Variants in IL27 observed in about 807,000 individuals in gnomAD.
The protein encoded by IL27 is interleukin 27, also known as interleukin-27 subunit alpha.
IL27 carries 11 observed loss-of-function variants against 27.0 expected under a neutral mutation model. That is an observed-to-expected ratio of 0.41 (90% CI 0.26 to 0.67). The LOEUF (loss-of-function observed/expected upper bound fraction) is 0.67. Ranked by LOEUF, IL27 falls within the 30% of genes least tolerant of loss-of-function variation. The probability of loss-of-function intolerance (pLI) is 0.34; values close to 1 mark genes in which losing one functional copy is unlikely to be tolerated. For synonymous variants in IL27, 134 were observed against 140.6 expected (o/e 0.95, Z 0.33); for missense variants, 299 against 310.4 (o/e 0.96, Z 0.28).
intron 1 of IL27, among the ~76,000 whole-genome samples, chr16:28,505,835 CCT>C (rs1053643019): frequency 1.1e-4 from 16 of 152,172 alleles, no homozygotes; most frequent in Non-Finnish European, 2.1e-4. Flanking sequence ...TCTTCCCTGT[CCT>C]CTCTCAATCT....
At chr16:28,501,855 G>A in intron 4 of IL27, 121 bp downstream of exon 4, 2 of 1,197,352 alleles carry the variant, frequency 1.7e-6, no homozygotes, top group Non-Finnish European at 2.4e-6. Flanking sequence ...ACACACTCAT[G>A]GACACTCAGT....
chr16:28,501,637 ACACT>A (rs1765544012), intron 4 of IL27, among the ~76,000 whole-genome samples: 1 of 146,912 alleles, frequency 6.8e-6, no homozygotes, highest in African/African-American at 2.5e-5. Context: ...ACTCACTCTC[ACACT>A]CACGGACCCA....
Position 28,502,793 on chromosome 16 carries a change from C to A in IL27, c.304-659G>T, listed in dbSNP as rs2046440067. ...GCCTAGCTCCACTCTTACCTCTTCCCAACCCCACTTCCTTATTCCAGCTTC... is the reference window on the plus strand; with the variant it reads ...GCCTAGCTCCACTCTTACCTCTTCCAAACCCCACTTCCTTATTCCAGCTTC... On this transcript the variant is annotated intron_variant, in intron 3 of 4. Transcript: ENST00000356897. Among the ~76,000 whole-genome samples the A allele has an allele frequency of 1.3e-5, 2 of 152,112 alleles. 1 individual carries two copies. Among genetic ancestry groups the A allele is most frequent in the South Asian group, 4.1e-4 (2 of 4,826 alleles).
At chr16:28,506,693 A>G in intron 1 of IL27, 88 bp downstream of exon 1, 1 of 1,324,716 alleles carries the variant, frequency 7.5e-7, no homozygotes. Flanking sequence ...TGCTGCTCTC[A>G]GCTCTCGACC....
At chr16:28,503,321 C>T (rs2046443928) in intron 3 of IL27, among the ~76,000 whole-genome samples, 1 of 152,154 alleles carries the variant, frequency 6.6e-6, no homozygotes, top group African/African-American at 2.4e-5. Flanking sequence ...AGGATCATAA[C>T]TCACTGCAGC....
intron 4 of IL27, 55 bp downstream of exon 4, chr16:28,501,921 C>T: frequency 1.3e-6 from 2 of 1,562,544 alleles, no homozygotes; most frequent in Non-Finnish European, 8.7e-7. Context: ...CTGAATGAGC[C>T]AGCGAGTCTT....
intron 1 of IL27, 125 bp from the exon 2 acceptor site, chr16:28,504,175 C>T: frequency 9.7e-7 from 1 of 1,028,948 alleles, no homozygotes; most frequent in Non-Finnish European, 1.4e-6. Context: ...CATTCCTCTG[C>T]CTCCTCAAAA....
At chr16:28,500,495 G>A (rs1248932069) in intron 4 of IL27, among the ~76,000 whole-genome samples, 5 of 151,808 alleles carry the variant, frequency 3.3e-5, no homozygotes, top group East Asian at 1.9e-4. Flanking sequence ...GGCTGGTCTC[G>A]AACTCCTGAC....
At chr16:28,501,784 C>CTG (rs2046432860) in intron 4 of IL27, among the ~76,000 whole-genome samples, 192 bp downstream of exon 4, 1 of 151,714 alleles carries the variant, frequency 6.6e-6, no homozygotes, top group African/African-American at 2.4e-5. Flanking sequence ...TGGACCCACA[C>CTG]AGTCACACTC....
At chr16:28,500,970 C>T (rs1036257590) in intron 4 of IL27, among the ~76,000 whole-genome samples, 5 of 152,128 alleles carry the variant, frequency 3.3e-5, no homozygotes, top group African/African-American at 4.8e-5. Flanking sequence ...GAAGCCGAGG[C>T]GGGCAGAGCG....
rs753219380 is a variant in IL27 at position 28,499,746 on chromosome 16, C to T, written c.637G>A (p.Val213Ile). Residue 213 changes from valine (V) to isoleucine (I), a missense_variant, in exon 5 of 5, where the codon GTC (valine) becomes ATC (isoleucine). Physicochemically the swap from Val to Ile is conservative, Grantham distance 29 (BLOSUM62 3). Coordinates refer to ENST00000356897, the MANE Select transcript of IL27 (RefSeq NM_145659.3). ...TYRLLHSLEL[V>I]LSRAVRELLL... Reference sequence around the variant, plus strand: ...AACTCCCGCACGGCCCGAGATAAGACGAGCTCCAAGGAGTGCAGCAGGCGG... The same window carrying T: ...AACTCCCGCACGGCCCGAGATAAGATGAGCTCCAAGGAGTGCAGCAGGCGG... 9.9e-6 allele frequency: 16 copies of T among 1,613,354 alleles called. No individual in the cohort carries two copies. Among genetic ancestry groups the T allele is most frequent in the African/African-American group, 4.0e-5 (3 of 74,912 alleles).
chr16:28,506,558 G>A (rs1462250232), intron 1 of IL27, among the ~76,000 whole-genome samples: 1 of 151,948 alleles, frequency 6.6e-6, no homozygotes, highest in South Asian at 2.1e-4. Context: ...ACTAGCCAAG[G>A]CCTCCTTCTC....
intron 4 of IL27, among the ~76,000 whole-genome samples, 172 bp from the exon 5 acceptor site, chr16:28,500,092 C>T (rs1054597775): frequency 6.6e-6 from 1 of 152,216 alleles, no homozygotes; most frequent in African/African-American, 2.4e-5. Flanking sequence ...CGCGTCTCAC[C>T]TGATCTTTCA....
At chr16:28,503,662 G>C (rs141207301) in intron 3 of IL27, 33 bp downstream of exon 3, 60 of 1,527,466 alleles carry the variant, frequency 3.9e-5, no homozygotes, top group Non-Finnish European at 4.6e-5. Flanking sequence ...CCTATCACAA[G>C]CTTCCCGCCC....
chr16:28,505,684 G>A (rs1423868586), intron 1 of IL27, among the ~76,000 whole-genome samples: 1 of 152,144 alleles, frequency 6.6e-6, no homozygotes, highest in Non-Finnish European at 1.5e-5. Flanking sequence ...CAGCGGATGG[G>A]CGCTCTAGGA....
chr16:28,500,180 G>A (rs991214555), intron 4 of IL27, among the ~76,000 whole-genome samples: 4 of 152,210 alleles, frequency 2.6e-5, no homozygotes, highest in African/African-American at 9.6e-5. Context: ...CGAGGCGTGG[G>A]GTTCAGGAAG....
rs139387223 is a variant in IL27, at chr16:28,502,359, C to T, written c.304-225G>A. ...TCCAGCCTCCCTTTCACTCCTATGC[C>T]AATGATCTTCTCTAACCCACCCCCT... On this transcript the variant is annotated intron_variant, in intron 3 of 4. Transcript: ENST00000356897. Among the ~76,000 whole-genome samples, 228 of 151,972 alleles carry T rather than the reference C, an allele frequency of 1.5e-3. 1 individual carries two copies. The highest frequency in any genetic ancestry group is 0.01 in the Middle Eastern group (3 of 292).
At chr16:28,500,872 C>A (rs1282645806) in intron 4 of IL27, among the ~76,000 whole-genome samples, 1 of 152,090 alleles carries the variant, frequency 6.6e-6, no homozygotes, top group Non-Finnish European at 1.5e-5. Context: ...TCACAACGCA[C>A]CCACACTCAT....
At position 28,504,023 on chromosome 16, in the gene IL27, A is replaced by G. The variant is rs1293285235; in HGVS notation, c.59T>C (p.Leu20Pro). 1 of 1,609,930 alleles carries G rather than the reference A, an allele frequency of 6.2e-7. No homozygotes were observed. Among genetic ancestry groups the G allele is most frequent in the South Asian group, 1.1e-5 (1 of 90,540 alleles). The change falls in exon 2 of 5, where the codon CTC becomes CCC. Residue 20 changes from leucine to proline, a missense_variant. By Grantham distance (98) the Leu-to-Pro change is moderately conservative. Transcript: ENST00000356897. ...WRLSLLLLPL[L>P]LVQAGVWGFP... ...TCCCCAGACACCAGCTTGAACCAGG[A>G]GCAAGGGAAGCAGCAACAGGCTGAG...
Sources: allele counts gnomAD v4.1 joint callset (sites outside exome capture counted in the v4.1 genomes callset), GRCh38; gene constraint gnomAD v4.1.1; transcripts MANE v1.5; gene names NCBI Gene and HGNC (gene_info 2026-07-23, HGNC 2026-07-21).